PLCL1: variants seen among roughly 807,000 people sequenced by gnomAD.
PLCL1 encodes the protein inactive phospholipase C-like protein 1.
PLCL1 carries 41 observed loss-of-function variants against 84.4 expected under a neutral mutation model. The observed-to-expected ratio is 0.49, with a 90% confidence interval of 0.38 to 0.63. PLCL1 has a LOEUF of 0.63. Among genes scored for constraint, PLCL1 ranks in the 30% least tolerant of loss-of-function variants. The pLI is 0.00. For synonymous variants in PLCL1, 490 were observed against 488.3 expected, an observed-to-expected ratio of 1.00 and a Z score of -0.05; for missense variants, 1,206 against 1,367.8, an observed-to-expected ratio of 0.88 and a Z score of 1.87.
chr2:198,007,226 C>T (rs1030254686), intron 1 of PLCL1, among the ~76,000 whole-genome samples: 1 of 152,098 alleles, frequency 6.6e-6, no homozygotes, highest in Non-Finnish European at 1.5e-5. Context: ...AAATGAGTAT[C>T]TTTGGGGATC....
intron 5 of PLCL1, among the ~76,000 whole-genome samples, chr2:198,121,653 C>A (rs1162764037): frequency 1.1e-4 from 16 of 150,616 alleles, no homozygotes; most frequent in Admixed American, 1.1e-3. Flanking sequence ...CTATTCTGTT[C>A]CATTGGTCGA....
intron 5 of PLCL1, among the ~76,000 whole-genome samples, chr2:198,130,015 G>C (rs1694081318): frequency 6.6e-6 from 1 of 151,892 alleles, no homozygotes; most frequent in Non-Finnish European, 1.5e-5. Context: ...ATTTTTTTGA[G>C]ACAGGGTCTT....
At chr2:197,840,027 C>A (rs1465078622) in intron 1 of PLCL1, among the ~76,000 whole-genome samples, 1 of 152,152 alleles carries the variant, frequency 6.6e-6, no homozygotes, top group East Asian at 1.9e-4. Flanking sequence ...CAGTGGAAGA[C>A]TATTCTCTTG....
chr2:197,805,426 A>G lies in PLCL1; in HGVS notation c.240+87A>G. 8.4e-7 allele frequency: 1 copy of G among 1,189,288 alleles called. No individual in the cohort carries two copies. The highest frequency in any genetic ancestry group is 3.2e-5 in the East Asian group (1 of 31,630). The allele number at this position is 1,189,288 out of a possible 1,614,324, so 73.7% of individuals were successfully genotyped here. ...GGCAGGATGTGCGGTGTCCGGAGGCATCCGGGCTCAGCATTGTTTTCTCCC... is the reference window on the plus strand; with the variant it reads ...GGCAGGATGTGCGGTGTCCGGAGGCGTCCGGGCTCAGCATTGTTTTCTCCC... On this transcript the variant is annotated intron_variant, in intron 1 of 5. Transcript: ENST00000428675. The surrounding 1 kb of genome is among the most constrained non-coding windows in gnomAD (Gnocchi z 4.0).
intron 1 of PLCL1, among the ~76,000 whole-genome samples, chr2:197,953,742 T>G (rs1247217612): frequency 6.6e-6 from 1 of 152,086 alleles, no homozygotes. Flanking sequence ...TATATTGATA[T>G]TCTCCTACCA....
intron 1 of PLCL1, among the ~76,000 whole-genome samples, chr2:198,044,982 G>A (rs1691751880): frequency 6.6e-6 from 1 of 152,176 alleles, no homozygotes; most frequent in Non-Finnish European, 1.5e-5. Flanking sequence ...TAGAAAGGCT[G>A]ACTAATCTGT....
intron 5 of PLCL1, among the ~76,000 whole-genome samples, chr2:198,112,408 T>G (rs1028662077): frequency 4.6e-5 from 7 of 151,890 alleles, no homozygotes; most frequent in African/African-American, 1.7e-4. Context: ...TGCTATTCAT[T>G]GGCTTTTAGT....
At chr2:198,049,992 A>G (rs1446184042) in intron 1 of PLCL1, among the ~76,000 whole-genome samples, 1 of 152,172 alleles carries the variant, frequency 6.6e-6, no homozygotes, top group Admixed American at 6.5e-5. Context: ...CCTTGTATGA[A>G]AGCTTTGAGA....
chr2:198,011,820 A>G (rs1690875413), intron 1 of PLCL1, among the ~76,000 whole-genome samples: 1 of 152,038 alleles, frequency 6.6e-6, no homozygotes, highest in Non-Finnish European at 1.5e-5. Context: ...TTACTGTTAT[A>G]TCTTCCTGGT....
chr2:197,906,166 C>G (rs1006211720), intron 1 of PLCL1, among the ~76,000 whole-genome samples: 4 of 152,090 alleles, frequency 2.6e-5, no homozygotes, highest in Non-Finnish European at 4.4e-5. Flanking sequence ...ATGGTATTGC[C>G]TAGGTTTTCT....
chr2:197,874,611 G>T (rs572886767), intron 1 of PLCL1, among the ~76,000 whole-genome samples: 2 of 152,164 alleles, frequency 1.3e-5, no homozygotes, highest in African/African-American at 4.8e-5. Context: ...TTTAAAAGGT[G>T]AAAAAGCACA....
In PLCL1 at chr2:197,804,877, T is replaced by A. The variant is rs1268631477; in HGVS notation, c.-223T>A. 1 of 438,814 alleles carries A rather than the reference T, an allele frequency of 2.3e-6. No individual in the cohort carries two copies. Among genetic ancestry groups the A allele is most frequent in the Non-Finnish European group, 4.0e-6 (1 of 251,824 alleles). The allele number at this position is 438,814 out of a possible 1,614,324, so 27.2% of individuals were successfully genotyped here. The stretch of plus-strand genomic sequence containing the variant: ...CTCCCGCCACCGTCCCCCGCCGGAC[T>A]GCTAGCCTCCTAGACCGAAGCCCGA... On this transcript the variant is annotated 5_prime_UTR_variant, in exon 1 of 6. Coordinates refer to ENST00000428675, the MANE Select transcript of PLCL1 (RefSeq NM_006226.4).
intron 1 of PLCL1, among the ~76,000 whole-genome samples, chr2:198,014,833 A>G (rs1690954832): frequency 6.6e-6 from 1 of 152,104 alleles, no homozygotes; most frequent in African/African-American, 2.4e-5. Context: ...TAGGGGGTGT[A>G]CAGAAGTGTT....
intron 5 of PLCL1, among the ~76,000 whole-genome samples, chr2:198,118,567 T>C (rs1169609531): frequency 6.6e-6 from 1 of 152,150 alleles, no homozygotes; most frequent in African/African-American, 2.4e-5. Context: ...TGAATTTTCA[T>C]TGAAGTTAAA....
intron 1 of PLCL1, among the ~76,000 whole-genome samples, chr2:197,877,140 C>T (rs558534219): frequency 5.9e-5 from 9 of 152,164 alleles, no homozygotes; most frequent in Middle Eastern, 3.4e-3. Context: ...TATGTGGAAA[C>T]GGTATTTTGC....
At chr2:197,883,458 A>G (rs1226668497) in intron 1 of PLCL1, among the ~76,000 whole-genome samples, 1 of 152,162 alleles carries the variant, frequency 6.6e-6, no homozygotes, top group Non-Finnish European at 1.5e-5. Flanking sequence ...TTGTTACAAT[A>G]AAGTACTAGT....
At chr2:197,925,267 T>C (rs1179524657) in intron 1 of PLCL1, among the ~76,000 whole-genome samples, 1 of 152,188 alleles carries the variant, frequency 6.6e-6, no homozygotes, top group Non-Finnish European at 1.5e-5. Flanking sequence ...GATTTGTTTA[T>C]GTGCTATAGA....
At chr2:198,134,144 A>G (rs185871642) in intron 5 of PLCL1, among the ~76,000 whole-genome samples, 66 of 152,286 alleles carry the variant, frequency 4.3e-4, no homozygotes, top group Non-Finnish European at 5.9e-5. Flanking sequence ...TAATATAAAA[A>G]GTTGGAGGAA....
chr2:197,830,233 G>A (rs1341031710), intron 1 of PLCL1, among the ~76,000 whole-genome samples: 1 of 151,888 alleles, frequency 6.6e-6, no homozygotes, highest in Non-Finnish European at 1.5e-5. Flanking sequence ...CAAGCTAAAG[G>A]AGCATGTTCT....
Sources: allele counts gnomAD v4.1 joint callset (sites outside exome capture counted in the v4.1 genomes callset), GRCh38; gene constraint gnomAD v4.1.1; non-coding constraint Gnocchi (gnomAD v3.1); transcripts MANE v1.5; gene names NCBI Gene and HGNC (gene_info 2026-07-23, HGNC 2026-07-21).